The following SOX5 variants were observed in gnomAD, a reference collection of about 807,000 sequenced individuals.
SOX5 encodes the protein transcription factor SOX-5.
Under a neutral mutation model 92.0 loss-of-function variants are expected in SOX5, and 9 were observed. That is an observed-to-expected ratio of 0.10 (90% CI 0.06 to 0.17). The LOEUF (loss-of-function observed/expected upper bound fraction) is 0.17, where lower values mean the gene tolerates loss of function less well. Among genes scored for constraint, SOX5 ranks in the 10% least tolerant of loss-of-function variants. The pLI is 1.00. For synonymous variants in SOX5, 344 were observed against 336.3 expected (o/e 1.02, Z -0.25); for missense variants, 642 against 944.5 (o/e 0.68, Z 4.20).
chr12:24,040,742 G>A (rs577555086), intron 4 of SOX5, among the ~76,000 whole-genome samples: 35 of 152,182 alleles, frequency 2.3e-4, no homozygotes, highest in African/African-American at 7.0e-4. Context: ...GCGTGGTGGC[G>A]GGCGCCTGTA....
intron 2 of SOX5, among the ~76,000 whole-genome samples, chr12:24,357,090 T>G (rs1344543961): frequency 6.6e-6 from 1 of 152,212 alleles, no homozygotes; most frequent in East Asian, 1.9e-4. Context: ...TTGAATGTCT[T>G]ACAAATAATA....
At chr12:23,542,034 C>T (rs1427259694) in intron 13 of SOX5, among the ~76,000 whole-genome samples, 2 of 151,868 alleles carry the variant, frequency 1.3e-5, no homozygotes, top group Non-Finnish European at 2.9e-5. Context: ...TGCTTGAACC[C>T]GGGAGGCGGA....
intron 4 of SOX5, among the ~76,000 whole-genome samples, chr12:24,019,938 C>T (rs1052108553): frequency 2.6e-5 from 4 of 152,160 alleles, no homozygotes; most frequent in African/African-American, 4.8e-5. Context: ...TAAAACCTCA[C>T]GTGGATGTAT....
chr12:24,178,287 T>C (rs534426566), intron 4 of SOX5, among the ~76,000 whole-genome samples: 6 of 151,676 alleles, frequency 4.0e-5, no homozygotes, highest in Middle Eastern at 3.2e-3. Flanking sequence ...ACTGCAAGTA[T>C]TTATTTTTAC....
intron 4 of SOX5, among the ~76,000 whole-genome samples, chr12:24,097,276 CTT>C (rs2137899869): frequency 6.6e-6 from 1 of 152,210 alleles, no homozygotes; most frequent in African/African-American, 2.4e-5. Context: ...TAACAGTAGA[CTT>C]ATTATATACA....
At chr12:23,682,986 A>T (rs1593248561) in intron 6 of SOX5, among the ~76,000 whole-genome samples, 1 of 151,896 alleles carries the variant, frequency 6.6e-6, no homozygotes, top group South Asian at 2.1e-4. Flanking sequence ...ATGTATCATA[A>T]AGGCAAAAAT....
chr12:23,710,508 G>A (rs916491072), intron 6 of SOX5, among the ~76,000 whole-genome samples: 4 of 152,124 alleles, frequency 2.6e-5, no homozygotes, highest in Admixed American at 2.0e-4. Context: ...TTTTGTTCTT[G>A]TGATAGTTGG....
chr12:23,844,185 G>A (rs948382677), intron 3 of SOX5, among the ~76,000 whole-genome samples: 1 of 152,152 alleles, frequency 6.6e-6, no homozygotes, highest in African/African-American at 2.4e-5. Flanking sequence ...TCTTGATTGC[G>A]TGGCTGACTG....
intron 1 of SOX5, among the ~76,000 whole-genome samples, chr12:24,440,824 G>A (rs976941405): frequency 3.3e-5 from 5 of 152,138 alleles, no homozygotes; most frequent in Non-Finnish European, 7.4e-5. Context: ...TAAACAGATG[G>A]TTTGACCCAC....
intron 1 of SOX5, among the ~76,000 whole-genome samples, chr12:23,901,075 G>C (rs984495801): frequency 1.3e-5 from 2 of 152,170 alleles, no homozygotes; most frequent in African/African-American, 2.4e-5. Context: ...ATTAAATTAA[G>C]TATTTTGAAA....
intron 4 of SOX5, among the ~76,000 whole-genome samples, chr12:24,156,410 C>G (rs1372124619): frequency 2.0e-5 from 3 of 152,080 alleles, no homozygotes; most frequent in Admixed American, 1.3e-4. Context: ...GTGTCAAGGA[C>G]TGCTTCTGGG....
At chr12:23,946,140 G>T (rs1375220857) in intron 1 of SOX5, among the ~76,000 whole-genome samples, 1 of 152,060 alleles carries the variant, frequency 6.6e-6, no homozygotes, top group Non-Finnish European at 1.5e-5. Flanking sequence ...TATTGCAGAA[G>T]GTTTTACTAT....
At chr12:24,498,435 C>A (rs772966573) in intron 1 of SOX5, among the ~76,000 whole-genome samples, 1 of 152,142 alleles carries the variant, frequency 6.6e-6, no homozygotes, top group Non-Finnish European at 1.5e-5. Flanking sequence ...TACATTCCTT[C>A]TACCTCTTTC....
At chr12:24,235,912 G>C (rs1254743574) in intron 3 of SOX5, among the ~76,000 whole-genome samples, 1 of 152,118 alleles carries the variant, frequency 6.6e-6, no homozygotes, top group African/African-American at 2.4e-5. Flanking sequence ...GTAACAGGCT[G>C]GGTGTGGTGG....
intron 2 of SOX5, among the ~76,000 whole-genome samples, chr12:24,289,362 C>T (rs1946326385): frequency 6.6e-6 from 1 of 152,034 alleles, no homozygotes; most frequent in South Asian, 2.1e-4. Flanking sequence ...TATTGACAGA[C>T]CATTCTTTCT....
At chr12:24,384,414 A>G (rs1332203264) in intron 1 of SOX5, among the ~76,000 whole-genome samples, 1 of 151,984 alleles carries the variant, frequency 6.6e-6, no homozygotes, top group Non-Finnish European at 1.5e-5. Context: ...GGGACTGGGG[A>G]CTCCTGCCTT....
intron 4 of SOX5, among the ~76,000 whole-genome samples, chr12:24,132,114 C>A (rs1949702210): frequency 6.6e-6 from 1 of 152,116 alleles, no homozygotes; most frequent in African/African-American, 2.4e-5. Flanking sequence ...AAATAAAAGG[C>A]TTACTTCAGT....
intron 1 of SOX5, among the ~76,000 whole-genome samples, chr12:24,540,056 C>T (rs1158719389): frequency 1.3e-5 from 2 of 151,970 alleles, no homozygotes; most frequent in Non-Finnish European, 2.9e-5. Flanking sequence ...AATTAATATG[C>T]ATTATGTAAG....
exon 2 of SOX5, chr12:24,368,621 C>T (rs1390889244): frequency 5.3e-5 from 8 of 152,182 alleles, no homozygotes; most frequent in African/African-American, 1.9e-4. Flanking sequence ...CTTTGGGTCA[C>T]CAATGGCCAG....
Sources: gnomAD v4.1 joint callset for allele counts (sites outside exome capture counted in the v4.1 genomes callset) on GRCh38, gnomAD v4.1.1 for gene constraint, MANE v1.5 for transcripts, NCBI Gene and HGNC (gene_info 2026-07-23, HGNC 2026-07-21) for gene names.